The following FGF12 variants were observed in gnomAD, a reference collection of about 807,000 sequenced individuals.
FGF12 encodes fibroblast growth factor 12B.
FGF12 carries 14 observed loss-of-function variants against 23.6 expected under a neutral mutation model. The ratio of observed to expected loss-of-function variants is 0.59; its 90% CI spans 0.39 to 0.93. The LOEUF is 0.93. Among genes scored for constraint, FGF12 ranks in the 40% least tolerant of loss-of-function variants. FGF12 has a pLI of 0.00. For synonymous variants in FGF12, 62 were observed against 77.3 expected, an observed-to-expected ratio of 0.80 and a Z score of 1.04; for missense variants, 175 against 217.8, an observed-to-expected ratio of 0.80 and a Z score of 1.24.
chr3:192,418,237 T>C (rs1453037863), intron 2 of FGF12, among the ~76,000 whole-genome samples: 3 of 152,098 alleles, frequency 2.0e-5, no homozygotes, highest in Admixed American at 1.3e-4. Context: ...AGTTAATATG[T>C]CAATGCTTAG....
intron 2 of FGF12, among the ~76,000 whole-genome samples, chr3:192,702,753 C>T (rs1246033888): frequency 6.6e-6 from 1 of 152,062 alleles, no homozygotes; most frequent in Non-Finnish European, 1.5e-5. Context: ...GACTGCACCA[C>T]TGCACTCCAG....
At chr3:192,474,273 T>C (rs1398980224) in intron 2 of FGF12, among the ~76,000 whole-genome samples, 2 of 152,246 alleles carry the variant, frequency 1.3e-5, no homozygotes, top group African/African-American at 4.8e-5. Context: ...TGGACATCTG[T>C]TGTTTTTGTC....
chr3:192,459,618 C>T (rs1264297638), intron 2 of FGF12, among the ~76,000 whole-genome samples: 1 of 152,106 alleles, frequency 6.6e-6, no homozygotes, highest in Non-Finnish European at 1.5e-5. Flanking sequence ...TGAGCCTTGT[C>T]TTTGGGCACA....
intron 4 of FGF12, among the ~76,000 whole-genome samples, chr3:192,305,679 A>AAATAT (rs1423738741): frequency 4.5e-4 from 59 of 131,922 alleles, no homozygotes; most frequent in African/African-American, 9.1e-4. Context: ...AAAAAAAAAA[A>AAATAT]ATATATATAT....
chr3:192,657,430 A>AAC (rs202154841), intron 2 of FGF12, among the ~76,000 whole-genome samples: 3,451 of 151,808 alleles, frequency 0.023, 49 homozygotes, highest in Middle Eastern at 0.065. Flanking sequence ...TAAAAAAAAA[A>AAC]AACAGAGAAC....
At chr3:192,312,746 C>CAA (rs59639014) in intron 4 of FGF12, among the ~76,000 whole-genome samples, 11,387 of 129,224 alleles carry the variant, frequency 0.088, 675 homozygotes, top group East Asian at 0.2. Flanking sequence ...GACTCGGTCT[C>CAA]AAAAAAAAAA....
At chr3:192,532,484 A>G (rs996957510) in intron 2 of FGF12, among the ~76,000 whole-genome samples, 2 of 151,858 alleles carry the variant, frequency 1.3e-5, no homozygotes, top group South Asian at 2.1e-4. Flanking sequence ...GTATATTACT[A>G]AGTATTTTTT....
chr3:192,196,276 C>G (rs1171104022), intron 4 of FGF12, among the ~76,000 whole-genome samples: 1 of 152,060 alleles, frequency 6.6e-6, no homozygotes, highest in Admixed American at 6.6e-5. Context: ...AAAAAAGAGT[C>G]CATCAACTTT....
chr3:192,288,729 T>C (rs915946998), intron 4 of FGF12, among the ~76,000 whole-genome samples: 4 of 152,104 alleles, frequency 2.6e-5, no homozygotes, highest in South Asian at 2.1e-4. Flanking sequence ...TAGACAAAAT[T>C]TTAGTCTATC....
chr3:192,303,556 T>G (rs1715459102), intron 4 of FGF12, among the ~76,000 whole-genome samples: 1 of 152,162 alleles, frequency 6.6e-6, no homozygotes, highest in South Asian at 2.1e-4. Flanking sequence ...AGACTGAAAT[T>G]TACATTCCCA....
intron 2 of FGF12, among the ~76,000 whole-genome samples, chr3:192,650,922 T>C (rs540261323): frequency 1.3e-5 from 2 of 152,228 alleles, no homozygotes. Flanking sequence ...ATGGGTTTCA[T>C]TGACCAACAT....
intron 2 of FGF12, among the ~76,000 whole-genome samples, chr3:192,434,555 G>T (rs1721958384): frequency 6.6e-6 from 1 of 152,154 alleles, no homozygotes; most frequent in Non-Finnish European, 1.5e-5. Flanking sequence ...ATGTGTGTGT[G>T]TGCATGTGTA....
intron 2 of FGF12, among the ~76,000 whole-genome samples, chr3:192,526,030 C>T (rs185523121): frequency 6.6e-4 from 101 of 152,294 alleles, no homozygotes; most frequent in African/African-American, 2.4e-3. Flanking sequence ...CTTTGGCCTC[C>T]CAAAGTGCTG....
intron 2 of FGF12, among the ~76,000 whole-genome samples, chr3:192,639,448 T>TG: frequency 6.6e-6 from 1 of 152,254 alleles, no homozygotes; most frequent in Admixed American, 6.5e-5. Context: ...ATCCCTCCTC[T>TG]GGGCATACGC....
chr3:192,378,044 T>C (rs746900725), intron 2 of FGF12, among the ~76,000 whole-genome samples: 3,500 of 94,864 alleles, frequency 0.037, 284 homozygotes, highest in Middle Eastern at 0.046. Context: ...CTTTCTTTCT[T>C]TCTTTCTTTC....
At chr3:192,599,066 A>G (rs996806113) in intron 2 of FGF12, among the ~76,000 whole-genome samples, 1 of 152,048 alleles carries the variant, frequency 6.6e-6, no homozygotes, top group South Asian at 2.1e-4. Flanking sequence ...AACAATGAGA[A>G]CACATGGACA....
intron 4 of FGF12, among the ~76,000 whole-genome samples, chr3:192,171,104 G>A (rs1171643961): frequency 2.0e-5 from 3 of 152,196 alleles, no homozygotes; most frequent in African/African-American, 7.2e-5. Context: ...ATATACAAAT[G>A]TATTACACAG....
chr3:192,561,722 A>G (rs1455234833), intron 2 of FGF12, among the ~76,000 whole-genome samples: 1 of 152,154 alleles, frequency 6.6e-6, no homozygotes, highest in Non-Finnish European at 1.5e-5. Context: ...GGAGTGTACT[A>G]TGTTACAAAC....
chr3:192,397,774 T>G (rs1219159500), intron 2 of FGF12, among the ~76,000 whole-genome samples: 4 of 152,180 alleles, frequency 2.6e-5, no homozygotes, highest in African/African-American at 9.7e-5. Context: ...CTGACACCTA[T>G]TCTAACCAGA....
Sources: gnomAD v4.1 joint callset for allele counts (sites outside exome capture counted in the v4.1 genomes callset) on GRCh38, gnomAD v4.1.1 for gene constraint, MANE v1.5 for transcripts, NCBI Gene and HGNC (gene_info 2026-07-23, HGNC 2026-07-21) for gene names.